The following STX18 variants were observed in gnomAD, a reference collection of about 807,000 sequenced individuals.
STX18 encodes the protein syntaxin 18.
In STX18, 40 loss-of-function variants were observed where a neutral mutation model predicts 50.1. The observed-to-expected ratio is 0.80, with a 90% CI of 0.62 to 1.04. The LOEUF (loss-of-function observed/expected upper bound fraction) is 1.04. Ranked by LOEUF, STX18 falls within the 50% of genes least tolerant of loss-of-function variation. The pLI is 0.00. For missense variants in STX18, 410 were observed against 415.8 expected (o/e 0.99, Z 0.12); for synonymous variants, 158 against 151.8 (o/e 1.04, Z -0.30).
chr4:4,454,277 C>T (rs1726948097), intron 5 of STX18, among the ~76,000 whole-genome samples: 1 of 152,212 alleles, frequency 6.6e-6, no homozygotes, highest in Non-Finnish European at 1.5e-5. Flanking sequence ...GTCTTTTGTG[C>T]AAAGTAATTG....
At chr4:4,439,547 AACAC>A (rs1725993940) in intron 5 of STX18, among the ~76,000 whole-genome samples, 1 of 143,028 alleles carries the variant, frequency 7.0e-6, no homozygotes, top group Non-Finnish European at 1.5e-5. Context: ...CACACACAGA[AACAC>A]ACACATATAT....
chr4:4,509,600 G>A (rs1265121366), intron 1 of STX18, among the ~76,000 whole-genome samples: 1 of 152,014 alleles, frequency 6.6e-6, no homozygotes, highest in African/African-American at 2.4e-5. Flanking sequence ...CCATATTTTA[G>A]ACAAATAATA....
At chr4:4,528,285 G>C (rs529461265) in intron 1 of STX18, among the ~76,000 whole-genome samples, 6 of 152,242 alleles carry the variant, frequency 3.9e-5, no homozygotes, top group African/African-American at 1.4e-4. Flanking sequence ...CCCAATATTG[G>C]AGGGGGGGCC....
chr4:4,474,430 C>T (rs556811652), intron 1 of STX18, among the ~76,000 whole-genome samples: 24 of 152,200 alleles, frequency 1.6e-4, no homozygotes, highest in Non-Finnish European at 2.8e-4. Flanking sequence ...TACCTGCTAC[C>T]GTAGGCAGAA....
At chr4:4,526,847 A>C (rs1207944983) in intron 1 of STX18, among the ~76,000 whole-genome samples, 1 of 152,180 alleles carries the variant, frequency 6.6e-6, no homozygotes, top group Non-Finnish European at 1.5e-5. Flanking sequence ...AAAGATAACA[A>C]GTAAGGTATT....
intron 1 of STX18, among the ~76,000 whole-genome samples, chr4:4,533,909 G>A (rs1453370421): frequency 6.6e-6 from 1 of 152,186 alleles, no homozygotes; most frequent in Non-Finnish European, 1.5e-5. Context: ...TCTACAACAT[G>A]TGATATAATC....
intron 7 of STX18, among the ~76,000 whole-genome samples, chr4:4,428,735 T>C (rs1203464832): frequency 6.6e-6 from 1 of 152,164 alleles, no homozygotes; most frequent in South Asian, 2.1e-4. Flanking sequence ...CACTAGCTAG[T>C]ATCTGTCTCT....
chr4:4,540,056 GGA>G (rs1432102028), intron 1 of STX18, among the ~76,000 whole-genome samples: 3 of 152,158 alleles, frequency 2.0e-5, no homozygotes, highest in African/African-American at 7.2e-5. Context: ...AAACTGGGAG[GGA>G]GAGTGTCCTG....
intron 2 of STX18, among the ~76,000 whole-genome samples, chr4:4,461,588 T>G (rs1435739896): frequency 2.0e-5 from 3 of 152,192 alleles, no homozygotes; most frequent in Non-Finnish European, 4.4e-5. Context: ...ATACTCCACA[T>G]AAAATGTTCC....
intron 5 of STX18, among the ~76,000 whole-genome samples, chr4:4,442,265 C>T (rs1367259944): frequency 6.6e-6 from 1 of 152,038 alleles, no homozygotes; most frequent in African/African-American, 2.4e-5. Context: ...ACACTGTACA[C>T]CAAGGTAAAT....
chr4:4,531,377 T>C (rs1731090731), intron 1 of STX18, among the ~76,000 whole-genome samples: 1 of 152,208 alleles, frequency 6.6e-6, no homozygotes, highest in African/African-American at 2.4e-5. Context: ...ATTTTGCAGT[T>C]TGCTTCAACT....
chr4:4,425,169 T>G lies in STX18; in HGVS notation c.756A>C (p.Glu252Asp). 1.2e-6 allele frequency: 2 copies of G among 1,614,058 alleles called. No individual in the cohort carries two copies. Among genetic ancestry groups the G allele is most frequent in the Non-Finnish European group, 1.7e-6 (2 of 1,179,902 alleles). Residue 252 changes from glutamate to aspartate, a missense_variant, in exon 8 of 11, where the codon GAA becomes GAC. By Grantham distance (45) the Glu-to-Asp change is conservative. Coordinates refer to ENST00000306200, the MANE Select transcript of STX18 (RefSeq NM_016930.4). ...LIGEMNSLFD[E>D]VRQIEGRVVE... ...CAGAGGAGCTACAAACATACCTCAC[T>G]TCATCAAACAAGCTGTTCATTTCAC...
At chr4:4,536,175 A>G (rs1731317517) in intron 1 of STX18, among the ~76,000 whole-genome samples, 1 of 152,252 alleles carries the variant, frequency 6.6e-6, no homozygotes, top group African/African-American at 2.4e-5. Context: ...TGTAATATTC[A>G]AGAATCATGT....
At chr4:4,506,684 A>G (rs1047794079) in intron 1 of STX18, among the ~76,000 whole-genome samples, 1 of 152,230 alleles carries the variant, frequency 6.6e-6, no homozygotes, top group Admixed American at 6.5e-5. Flanking sequence ...CTCTATAGAT[A>G]CTATGTTTTT....
chr4:4,431,698 G>T (rs1423177869), intron 7 of STX18, among the ~76,000 whole-genome samples: 1 of 152,084 alleles, frequency 6.6e-6, no homozygotes, highest in Non-Finnish European at 1.5e-5. Flanking sequence ...ATCATCTCCT[G>T]CTCAGCCCCA....
At chr4:4,433,942 C>T (rs1023105370) in intron 7 of STX18, among the ~76,000 whole-genome samples, 4 of 152,204 alleles carry the variant, frequency 2.6e-5, no homozygotes, top group Non-Finnish European at 4.4e-5. Flanking sequence ...CCCTTTGCTG[C>T]CTTTTGCCAA....
chr4:4,450,770 C>A (rs914895325), intron 5 of STX18, among the ~76,000 whole-genome samples: 8 of 152,194 alleles, frequency 5.3e-5, no homozygotes, highest in Admixed American at 2.6e-4. Flanking sequence ...CTGCTCCCCA[C>A]GACTGCAGAC....
At chr4:4,432,556 G>A (rs1725569668) in intron 7 of STX18, among the ~76,000 whole-genome samples, 1 of 152,168 alleles carries the variant, frequency 6.6e-6, no homozygotes, top group Non-Finnish European at 1.5e-5. Flanking sequence ...CACCTCATGG[G>A]CCAGCTCACT....
intron 9 of STX18, among the ~76,000 whole-genome samples, chr4:4,423,287 G>A (rs1725061306): frequency 6.6e-6 from 1 of 152,244 alleles, no homozygotes; most frequent in South Asian, 2.1e-4. Flanking sequence ...ACCACATGGG[G>A]TGGTCAGTGG....
Sources: gnomAD v4.1 joint callset for allele counts (sites outside exome capture counted in the v4.1 genomes callset) on GRCh38, gnomAD v4.1.1 for gene constraint, MANE v1.5 for transcripts, NCBI Gene and HGNC (gene_info 2026-07-23, HGNC 2026-07-21) for gene names.